Variants in QSOX1 observed in about 807,000 individuals in gnomAD.
QSOX1 encodes the protein sulfhydryl oxidase 1.
Under a neutral mutation model 76.1 loss-of-function variants are expected in QSOX1, and 40 were observed. The observed-to-expected ratio is 0.53, with a 90% confidence interval of 0.41 to 0.68. The LOEUF is 0.68. Ranked by LOEUF, QSOX1 falls within the 30% of genes least tolerant of loss-of-function variation. QSOX1 has a pLI of 0.00. For synonymous variants in QSOX1, 392 were observed against 413.1 expected (o/e 0.95, Z 0.62); for missense variants, 931 against 974.3 (o/e 0.96, Z 0.59).
Position 180,200,392 on chromosome 1 carries a change from T to C in QSOX1, c.*3355T>C, listed in dbSNP as rs1663612075. 6.6e-6 allele frequency: 1 copy of C among 152,112 alleles called. No individual in the cohort carries two copies. The highest frequency in any genetic ancestry group is 1.5e-5 in the Non-Finnish European group (1 of 68,034). The allele number at this position is 152,112 out of a possible 1,614,324, so 9.4% of individuals were successfully genotyped here. On this transcript the variant is annotated 3_prime_UTR_variant, in exon 12 of 12. Coordinates refer to ENST00000367602, the MANE Select transcript of QSOX1 (RefSeq NM_002826.5). ...CCCACAGGATATTCTGTGAAGGGTG[T>C]CCCTGGAGCTGGGCCTCCAGGTGGC...
At chr1:180,194,441 G>T in intron 11 of QSOX1, 49 bp downstream of exon 11, 1 of 1,496,476 alleles carries the variant, frequency 6.7e-7, no homozygotes, top group Admixed American at 2.2e-5. Flanking sequence ...GGGGACGAGG[G>T]GGTGAGGATA....
intron 4 of QSOX1, among the ~76,000 whole-genome samples, chr1:180,176,541 G>A (rs1662898006): frequency 6.6e-6 from 1 of 152,190 alleles, no homozygotes; most frequent in African/African-American, 2.4e-5. Context: ...TCTCTGTATG[G>A]CAGAGCATCA....
chr1:180,190,681 G>A, intron 10 of QSOX1, 101 bp downstream of exon 10: 2 of 1,390,538 alleles, frequency 1.4e-6, no homozygotes, highest in Non-Finnish European at 2.0e-6. Context: ...TTGCCCCACT[G>A]GCTCCCAGCT....
chr1:180,189,627 A>C lies in QSOX1; in HGVS notation c.1093A>C (p.Lys365Gln), dbSNP rs1172233637. Residue 365 changes from lysine (K) to glutamine (Q), a missense_variant, in exon 9 of 12, where the codon AAA becomes CAA. Transcript: ENST00000367602. ...NEWLKRQKRNKIPYSFFKTAL... is the reference protein window; with the variant it reads ...NEWLKRQKRNQIPYSFFKTAL... ...ATGGCTCAAGAGGCAGAAGAGAAAT[A>C]AAATTCCCTACAGTTTCTTTAAAAC... 1 of 1,613,554 alleles carries C rather than the reference A, an allele frequency of 6.2e-7. No individual in the cohort carries two copies. The highest frequency in any genetic ancestry group is 1.3e-5 in the African/African-American group (1 of 74,930).
intron 11 of QSOX1, among the ~76,000 whole-genome samples, chr1:180,194,797 C>T (rs1220157784): frequency 6.6e-6 from 1 of 152,174 alleles, no homozygotes; most frequent in Non-Finnish European, 1.5e-5. Context: ...CCTGGAAATA[C>T]CAGGCACCGG....
chr1:180,166,004 A>G (rs1022975053), intron 1 of QSOX1, among the ~76,000 whole-genome samples: 3 of 152,088 alleles, frequency 2.0e-5, no homozygotes, highest in Non-Finnish European at 4.4e-5. Flanking sequence ...AGCTCTGCCC[A>G]CTACCAGTAT....
Position 180,172,156 on chromosome 1 carries a change from T to C in QSOX1, c.367-3165T>C, listed in dbSNP as rs145956235. ...GGAGGGCCTCTCTTCATCCCCATCCTCCTTCCCTTCCCATCCTTTCCTTTT... is the reference window on the plus strand; with the variant it reads ...GGAGGGCCTCTCTTCATCCCCATCCCCCTTCCCTTCCCATCCTTTCCTTTT... On this transcript the variant is annotated intron_variant, in intron 2 of 11. Transcript: ENST00000367602. Among the ~76,000 whole-genome samples, 959 of 152,086 alleles carry C rather than the reference T, an allele frequency of 6.3e-3. 33 individuals are homozygous for C. In the East Asian group the frequency reaches 0.079, roughly 12 times the overall value.
intron 9 of QSOX1, 72 bp from the exon 10 acceptor site, chr1:180,190,361 A>G (rs1411323592): frequency 2.0e-6 from 3 of 1,497,016 alleles, no homozygotes; most frequent in Non-Finnish European, 2.8e-6. Context: ...GCTGTCTCCT[A>G]GAAGCTTCTG....
chr1:180,166,566 A>G lies in QSOX1; in HGVS notation c.341A>G (p.Asn114Ser), dbSNP rs3894211. The part of the protein sequence containing the change: ...ETNSAVCRDF[N>S]IPGFPTVRFF... Reference sequence around the variant, plus strand: ...AACAGTGCAGTCTGCAGAGACTTCAACATCCCTGGCTTCCCGACTGTGAGG... The same window carrying G: ...AACAGTGCAGTCTGCAGAGACTTCAGCATCCCTGGCTTCCCGACTGTGAGG... Residue 114 changes from asparagine to serine, a missense_variant, in exon 2 of 12, where the codon AAC becomes AGC. Physicochemically the swap from Asn to Ser is conservative, Grantham distance 46. Coordinates refer to ENST00000367602, the MANE Select transcript of QSOX1 (RefSeq NM_002826.5). 5,011 of 1,614,066 alleles carry G rather than the reference A, an allele frequency of 3.1e-3. 135 individuals are homozygous for G. In the African/African-American group the frequency reaches 0.056, roughly 18 times the overall value.
At chr1:180,179,657 C>T (rs558736945) in intron 5 of QSOX1, among the ~76,000 whole-genome samples, 2 of 152,376 alleles carry the variant, frequency 1.3e-5, no homozygotes, top group South Asian at 2.1e-4. Flanking sequence ...AAAGGTGGGA[C>T]GTGCCAGTGC....
intron 1 of QSOX1, among the ~76,000 whole-genome samples, chr1:180,162,576 A>G (rs1319787292): frequency 6.6e-6 from 1 of 152,110 alleles, no homozygotes; most frequent in African/African-American, 2.4e-5. Flanking sequence ...TTTCTATATT[A>G]AAATTTTAAA....
At chr1:180,165,541 A>C (rs964801890) in intron 1 of QSOX1, among the ~76,000 whole-genome samples, 1 of 152,010 alleles carries the variant, frequency 6.6e-6, no homozygotes, top group Admixed American at 6.5e-5. Flanking sequence ...TCTAGGTTCA[A>C]CTCTGTTTCC....
chr1:180,192,298 A>G (rs10798738), intron 10 of QSOX1, among the ~76,000 whole-genome samples: 141,387 of 152,252 alleles, frequency 0.93, 65,820 homozygotes, highest in Admixed American at 0.96. Flanking sequence ...GTGAGCGCTC[A>G]TGGGCTCAGA....
At position 180,197,469 on chromosome 1, in the gene QSOX1, GGGGCTC is replaced by G; in HGVS notation, c.*433_*438del. The G allele has an allele frequency of 7.1e-7, 1 of 1,407,306 alleles. No homozygotes were observed. The highest frequency in any genetic ancestry group is 9.9e-7 in the Non-Finnish European group (1 of 1,008,088). The allele number at this position is 1,407,306 out of a possible 1,614,324, so 87.2% of individuals were successfully genotyped here. ...GGAATGGAACTCCTCACTAGCTGCTGGGGCTCCGCCCACCCTGCTCCCTTCCGGACA... is the reference window on the plus strand; with the variant it reads ...GGAATGGAACTCCTCACTAGCTGCTGCGCCCACCCTGCTCCCTTCCGGACA... On this transcript the variant is annotated 3_prime_UTR_variant, in exon 12 of 12. Transcript: ENST00000367602.
In QSOX1 at chr1:180,184,194, T is replaced by C. The variant is rs542815685; in HGVS notation, c.887+144T>C. ...TTCTGAGCCAGGCTGTCCCCCACCC[T>C]GGGGTCTGGCCATGCTCAGGGACCT... On this transcript the variant is annotated intron_variant, in intron 7 of 11. Transcript: ENST00000367602. 9.5e-6 allele frequency: 11 copies of C among 1,154,734 alleles called. No individual in the cohort carries two copies. In the African/African-American group the frequency reaches 1.1e-4, roughly 11 times the overall value. 71.5% of individuals were successfully genotyped at this position (1,154,734 alleles called of 1,614,324 possible). A position where few individuals can be genotyped will look rare whatever the true frequency, so the allele number is the denominator to read the frequency against.
intron 2 of QSOX1, among the ~76,000 whole-genome samples, chr1:180,174,998 A>G (rs967002874): frequency 2.6e-5 from 4 of 151,262 alleles, no homozygotes; most frequent in African/African-American, 9.7e-5. Flanking sequence ...AAAAATACAC[A>G]CAAAAAAAAT....
chr1:180,178,233 T>TTTTGTTTG (rs939821256), intron 4 of QSOX1, among the ~76,000 whole-genome samples: 4 of 152,176 alleles, frequency 2.6e-5, no homozygotes, highest in South Asian at 2.1e-4. Flanking sequence ...TTCCGACTCT[T>TTTTGTTTG]TTTGTTTGTT....
intron 1 of QSOX1, among the ~76,000 whole-genome samples, chr1:180,157,126 C>T (rs139273456): frequency 8.4e-4 from 128 of 152,218 alleles, no homozygotes; most frequent in African/African-American, 2.8e-3. Flanking sequence ...AATAAGAAAG[C>T]GAAATCAGAA....
chr1:180,171,950 G>A (rs1662768281), intron 2 of QSOX1, among the ~76,000 whole-genome samples: 1 of 152,224 alleles, frequency 6.6e-6, no homozygotes, highest in African/African-American at 2.4e-5. Flanking sequence ...GAGGCCAGGA[G>A]GGCGGGGAGA....
Sources: gnomAD v4.1 joint callset for allele counts (sites outside exome capture counted in the v4.1 genomes callset) on GRCh38, gnomAD v4.1.1 for gene constraint, MANE v1.5 for transcripts, NCBI Gene and HGNC (gene_info 2026-07-23, HGNC 2026-07-21) for gene names.